Variants in SRRT observed in about 807,000 individuals in gnomAD.
SRRT encodes the protein serrate RNA effector molecule homolog.
Under a neutral mutation model 103.2 loss-of-function variants are expected in SRRT, and 32 were observed. The observed-to-expected ratio is 0.31, with a 90% CI of 0.23 to 0.42. SRRT has a LOEUF of 0.42. Ranked by LOEUF, SRRT falls within the 10% of genes least tolerant of loss-of-function variation. The pLI is 1.00. For missense variants in SRRT, 986 were observed against 1,207.5 expected (o/e 0.82, Z 2.72); for synonymous variants, 525 against 449.0 (o/e 1.17, Z -2.14).
rs1221774562 is a variant in SRRT, at chr7:100,881,372, C to T, written c.210C>T (p.Arg70=). 1.2e-6 allele frequency: 2 copies of T among 1,612,444 alleles called. No individual in the cohort carries two copies. Among genetic ancestry groups the T allele is most frequent in the African/African-American group, 1.3e-5 (1 of 74,894 alleles). Residue 70 remains arginine (R), a synonymous_variant, in exon 3 of 20, where the codon CGC becomes CGT. Transcript: ENST00000611405. ...GGCGAGAGCGCTTCTCGCCACCTCGCCACGAACTCAGCCCGCCACAGAAGC... is the reference window on the plus strand; with the variant it reads ...GGCGAGAGCGCTTCTCGCCACCTCGTCACGAACTCAGCCCGCCACAGAAGC... The part of the protein sequence containing the change: ...RNRRERFSPP[R]HELSPPQKRM...
chr7:100,877,854 C>A (rs189253920), intron 2 of SRRT, among the ~76,000 whole-genome samples: 3 of 152,294 alleles, frequency 2.0e-5, no homozygotes, highest in African/African-American at 7.2e-5. Context: ...GCTGAACTAA[C>A]AGCTTTTTTC....
Position 100,887,360 on chromosome 7 carries a change from G to A in SRRT, c.2016G>A (p.Pro672=), listed in dbSNP as rs767205752. The change falls in exon 16 of 20, where the codon CCG becomes CCA. Residue 672 remains proline (P), a synonymous_variant. Coordinates refer to ENST00000611405, the MANE Select transcript of SRRT (RefSeq NM_015908.6). The surrounding 1 kb of genome is among the most constrained non-coding windows in gnomAD (Gnocchi z 4.1). The part of the protein sequence containing the change: ...WQKTFEEKLT[P]LLSVRESLSE... ...AGACTTTTGAGGAGAAGCTCACGCC[G>A]TTGCTGAGTGTGCGGGAGTCACTCT... is the stretch of plus-strand genomic sequence containing the variant. The A allele has an allele frequency of 2.8e-5, 45 of 1,614,076 alleles. No individual in the cohort carries two copies. Among genetic ancestry groups the A allele is most frequent in the Admixed American group, 1.3e-4 (8 of 59,998 alleles).
Position 100,875,599 on chromosome 7 carries a change from C to G in SRRT, c.9C>G (p.Asp3Glu), listed in dbSNP as rs765260706. 6.2e-7 allele frequency: 1 copy of G among 1,613,984 alleles called. No homozygotes were observed. Among genetic ancestry groups the G allele is most frequent in the Non-Finnish European group, 8.5e-7 (1 of 1,179,900 alleles). MG[D>E]SDDEYDRRRR... ...CCCCCTCAGACCGTGCCATGGGTGA[C>G]AGTGATGACGAGTACGATCGAAGGC... Residue 3 changes from aspartate (D) to glutamate (E), a missense_variant, in exon 2 of 20, where the codon GAC becomes GAG. Transcript: ENST00000611405.
Position 100,884,569 on chromosome 7 carries a change from T to C in SRRT, c.942+17T>C, listed in dbSNP as rs750920298. ...GGCAAGCAGGTCCGAGCCCTGGGTC[T>C]CCTAGTGTTGTCCCTGGCAGCCTGG... On this transcript the variant is annotated intron_variant, in intron 7 of 19. Transcript: ENST00000611405. 9 of 1,142,628 alleles carry C rather than the reference T, an allele frequency of 7.9e-6. No homozygotes were observed. The South Asian group carries it at 8.6e-5, about 11-fold the overall frequency. The allele number at this position is 1,142,628 out of a possible 1,614,324, so 70.8% of individuals were successfully genotyped here. A position where few individuals can be genotyped will look rare whatever the true frequency, so the allele number is the denominator to read the frequency against.
chr7:100,875,167 A>G lies in SRRT; in HGVS notation c.-180A>G, dbSNP rs575321983. 85 of 174,986 alleles carry G rather than the reference A, an allele frequency of 4.9e-4. 1 individual carries two copies. Among genetic ancestry groups the G allele is most frequent in the Non-Finnish European group, 2.5e-5 (2 of 81,346 alleles). The allele number at this position is 174,986 out of a possible 1,614,324, so 10.8% of individuals were successfully genotyped here. On this transcript the variant is annotated 5_prime_UTR_variant, in exon 1 of 20. Coordinates refer to ENST00000611405, the MANE Select transcript of SRRT (RefSeq NM_015908.6). ...GCGCGGGCTGCGCGCGCTACTGCCC[A>G]TCCCCGGTTGTCCCACTTTTGTTCG...
chr7:100,888,489 C>T lies in SRRT; in HGVS notation c.2571C>T (p.Asp857=), dbSNP rs11171. Residue 857 remains aspartate (D), a synonymous_variant, in exon 20 of 20, where the codon GAC becomes GAT. Transcript: ENST00000611405. ...CACCTCACAGGATGGTTCGTGGAGA[C>T]CCAAGGGCCATTGTGGAATATCGGG... is the stretch of plus-strand genomic sequence containing the variant. ...GKPRNRMVRG[D]PRAIVEYRDL... The T allele has an allele frequency of 0.049, 79,411 of 1,614,004 alleles. 3,186 individuals carry two copies. The highest frequency in any genetic ancestry group is 0.19 in the African/African-American group (14,606 of 74,954).
Position 100,875,518 on chromosome 7 carries a change from C to G in SRRT, c.-18-55C>G. The stretch of plus-strand genomic sequence containing the variant: ...GGGCGAGCTGCCCGCGAGGGACGGT[C>G]CCTTCCTCCGCTCGTCCTTTTGCAC... On this transcript the variant is annotated intron_variant, in intron 1 of 19. Coordinates refer to ENST00000611405, the MANE Select transcript of SRRT (RefSeq NM_015908.6). 1.9e-6 allele frequency: 3 copies of G among 1,600,246 alleles called. No individual in the cohort carries two copies. The Middle Eastern group carries it at 5.0e-4, about 266-fold the overall frequency.
At position 100,887,236 on chromosome 7, in the gene SRRT, C is replaced by T. The variant is rs1790219691; in HGVS notation, c.1975+36C>T. The T allele has an allele frequency of 2.5e-6, 4 of 1,613,296 alleles. No individual in the cohort carries two copies. The highest frequency in any genetic ancestry group is 3.4e-6 in the Non-Finnish European group (4 of 1,179,382). ...GGTTCCCCTTTGTTCCCGGCTGCCC[C>T]TGGCCTTGGTCCTCCAGCCCCTTGC... On this transcript the variant is annotated intron_variant, in intron 15 of 19. Transcript: ENST00000611405. This position sits in a 1 kb window ranked among gnomAD's most constrained non-coding sequence, Gnocchi z 4.1.
chr7:100,884,409 A>G lies in SRRT; in HGVS notation c.799A>G (p.Ile267Val). ...AGGAGGCACGGAGAATGATCTTCGCATCCTGGAGCAGGAGGAGGAGGAGGA... is the reference window on the plus strand; with the variant it reads ...AGGAGGCACGGAGAATGATCTTCGCGTCCTGGAGCAGGAGGAGGAGGAGGA... The part of the protein sequence containing the change: ...MEGGTENDLR[I>V]LEQEEEEEQA... The change falls in exon 7 of 20, where the codon ATC becomes GTC. Residue 267 changes from isoleucine to valine, a missense_variant. Transcript: ENST00000611405. The G allele has an allele frequency of 1.2e-6, 2 of 1,613,798 alleles. No individual in the cohort carries two copies. Among genetic ancestry groups the G allele is most frequent in the Non-Finnish European group, 1.7e-6 (2 of 1,179,930 alleles).
chr7:100,883,966 T>C, intron 5 of SRRT, 104 bp from the exon 6 acceptor site: 1 of 1,301,408 alleles, frequency 7.7e-7, no homozygotes, highest in Non-Finnish European at 1.1e-6. Context: ...TTTGTGGTTG[T>C]GAGAGGAAGG....
At chr7:100,875,742 C>T (rs200881332) in intron 2 of SRRT, 30 bp downstream of exon 2, 1 of 1,610,438 alleles carries the variant, frequency 6.2e-7, no homozygotes, top group South Asian at 1.1e-5. Context: ...ATCTTGTCCC[C>T]GTTTCATGCC....
At position 100,888,157 on chromosome 7, in the gene SRRT, G is replaced by A. The variant is rs1790353118; in HGVS notation, c.2428+14G>A. 3 of 1,605,554 alleles carry A rather than the reference G, an allele frequency of 1.9e-6. No homozygotes were observed. Among genetic ancestry groups the A allele is most frequent in the South Asian group, 1.1e-5 (1 of 90,002 alleles). ...TGGGCTATGGAGGTAAGTACAGGAG[G>A]GAGATGAAGGGGCTTGGTGAGTGTG... On this transcript the variant is annotated intron_variant, in intron 18 of 19. Transcript: ENST00000611405.
chr7:100,887,942 G>A lies in SRRT; in HGVS notation c.2326+83G>A, dbSNP rs773682302. 1.5e-5 allele frequency: 23 copies of A among 1,543,362 alleles called. No individual in the cohort carries two copies. The South Asian group carries it at 1.6e-4, about 11-fold the overall frequency. On this transcript the variant is annotated intron_variant, in intron 17 of 19. Transcript: ENST00000611405. This position sits in a 1 kb window ranked among gnomAD's most constrained non-coding sequence, Gnocchi z 4.1. The stretch of plus-strand genomic sequence containing the variant: ...CTGTTTCTCTTTAACGTGTCACCCC[G>A]AGAAGTTTCTGCCCCATCCTCAGGC...
Position 100,885,130 on chromosome 7 carries a change from T to C in SRRT, c.1160-83T>C. ...GACATTGACGGGAGGGTGGGTGGCTTTTAGGGGAAAGCTTCTGTATCCTCC... is the reference window on the plus strand; with the variant it reads ...GACATTGACGGGAGGGTGGGTGGCTCTTAGGGGAAAGCTTCTGTATCCTCC... On this transcript the variant is annotated intron_variant, in intron 9 of 19. Coordinates refer to ENST00000611405, the MANE Select transcript of SRRT (RefSeq NM_015908.6). This position sits in a 1 kb window ranked among gnomAD's most constrained non-coding sequence, Gnocchi z 4.8. The C allele has an allele frequency of 6.2e-7, 1 of 1,601,830 alleles. No individual in the cohort carries two copies. The highest frequency in any genetic ancestry group is 8.5e-7 in the Non-Finnish European group (1 of 1,172,886).
rs774994584 is a variant in SRRT, at chr7:100,888,051, C to T, written c.2336C>T (p.Pro779Leu). 2 of 1,558,146 alleles carry T rather than the reference C, an allele frequency of 1.3e-6. No individual in the cohort carries two copies. Among genetic ancestry groups the T allele is most frequent in the Non-Finnish European group, 1.7e-6 (2 of 1,156,456 alleles). The stretch of plus-strand genomic sequence containing the variant: ...GTCCCTGTCCGTGTTGTACTCCCCC[C>T]AGGTTTGACCCCAGGACTCCCCTAC... ...QPPGPAQILP[P>L]GLTPGLPYPH... The change falls in exon 18 of 20, where the codon CCA becomes CTA. Residue 779 changes from proline to leucine, a missense_variant. Coordinates refer to ENST00000611405, the MANE Select transcript of SRRT (RefSeq NM_015908.6).
chr7:100,885,363 TC>T lies in SRRT; in HGVS notation c.1311del (p.Ile438SerfsTer30). ...NIAPNISRAE[I>X]ISLCKRYPGF... ...GCGCCCAACATCTCCCGGGCCGAGATCATCTCCGTGAGTGGGGACCCGTGGA... is the reference window on the plus strand; with the variant it reads ...GCGCCCAACATCTCCCGGGCCGAGATATCTCCGTGAGTGGGGACCCGTGGA... On this transcript the variant is annotated frameshift_variant, in exon 10 of 20. Transcript: ENST00000611405. LOFTEE classifies it high-confidence loss of function. The surrounding 1 kb of genome is among the most constrained non-coding windows in gnomAD (Gnocchi z 4.8). 1 of 1,613,328 alleles carries T rather than the reference TC, an allele frequency of 6.2e-7. No individual in the cohort carries two copies. The highest frequency in any genetic ancestry group is 8.5e-7 in the Non-Finnish European group (1 of 1,179,482).
At chr7:100,876,777 A>G (rs572870291) in intron 2 of SRRT, among the ~76,000 whole-genome samples, 4 of 152,294 alleles carry the variant, frequency 2.6e-5, no homozygotes, top group South Asian at 2.1e-4. Flanking sequence ...GAGGGTAAGC[A>G]TTGAGGGAAC....
At chr7:100,875,915 C>G (rs577781430) in intron 2 of SRRT, 1 of 566,348 alleles carries the variant, frequency 1.8e-6, no homozygotes, top group Non-Finnish European at 3.1e-6. Flanking sequence ...CAGATCAGAG[C>G]TATAGAGCTA....
chr7:100,880,273 TAG>T (rs1816162560), intron 2 of SRRT, among the ~76,000 whole-genome samples: 2 of 151,578 alleles, frequency 1.3e-5, no homozygotes, highest in Admixed American at 1.3e-4. Flanking sequence ...TTTGGGCCCA[TAG>T]TGGTGGGATG....
Sources: gnomAD v4.1 joint callset for allele counts (sites outside exome capture counted in the v4.1 genomes callset) on GRCh38, gnomAD v4.1.1 for gene constraint, Gnocchi (gnomAD v3.1) non-coding constraint, MANE v1.5 for transcripts, NCBI Gene and HGNC (gene_info 2026-07-23, HGNC 2026-07-21) for gene names.